Variants in BPIFB2 observed in about 807,000 individuals in gnomAD.
BPIFB2 encodes BPI fold-containing family B member 2.
A neutral mutation model predicts 50.1 loss-of-function variants in BPIFB2; 39 were observed. The ratio of observed to expected loss-of-function variants is 0.78; its 90% CI spans 0.60 to 1.02. BPIFB2 has a LOEUF of 1.02. Ranked by LOEUF, BPIFB2 falls within the 50% of genes least tolerant of loss-of-function variation. The pLI is 0.00. For synonymous variants in BPIFB2, 280 were observed against 256.3 expected, an observed-to-expected ratio of 1.09 and a Z score of -0.88; for missense variants, 574 against 585.8, an observed-to-expected ratio of 0.98 and a Z score of 0.21.
intron 3 of BPIFB2, among the ~76,000 whole-genome samples, chr20:33,011,878 C>T (rs1218364736): frequency 2.0e-5 from 3 of 152,054 alleles, no homozygotes; most frequent in African/African-American, 7.2e-5. Flanking sequence ...ACTCAGGAGG[C>T]TGAGGTGGGA....
Position 33,008,606 on chromosome 20 carries a change from T to TGGCACTGCTGCTGCC in BPIFB2, c.33_47dup (p.Ala12_Pro16dup), listed in dbSNP as rs1202041398. 2 of 1,604,256 alleles carry TGGCACTGCTGCTGCC rather than the reference T, an allele frequency of 1.2e-6. No individual in the cohort carries two copies. Among genetic ancestry groups the TGGCACTGCTGCTGCC allele is most frequent in the South Asian group, 2.2e-5 (2 of 89,060 alleles). On this transcript the variant is annotated inframe_insertion, in exon 2 of 16. Transcript: ENST00000170150. Reference sequence around the variant, plus strand: ...TGGGCAAGTAGGCTGGGCCTGCTGCTGGCACTGCTGCTGCCCGTGGTCGGT... The same window carrying TGGCACTGCTGCTGCC: ...TGGGCAAGTAGGCTGGGCCTGCTGCTGGCACTGCTGCTGCCGGCACTGCTGCTGCCCGTGGTCGGT...
chr20:33,020,632 G>A, intron 13 of BPIFB2, 45 bp downstream of exon 13: 2 of 1,541,864 alleles, frequency 1.3e-6, no homozygotes, highest in Non-Finnish European at 1.8e-6. Context: ...TCCTGGGTAG[G>A]GCACACCTTG....
At chr20:33,017,842 G>A (rs1159706424) in intron 7 of BPIFB2, among the ~76,000 whole-genome samples, 1 of 152,214 alleles carries the variant, frequency 6.6e-6, no homozygotes, top group Non-Finnish European at 1.5e-5. Context: ...GGATTGTAAC[G>A]AGGATTGAAT....
At position 33,008,155 on chromosome 20, in the gene BPIFB2, A is replaced by G. The variant is rs147199361; in HGVS notation, c.-34-386A>G. 4.2e-3 allele frequency among the ~76,000 whole-genome samples: 640 copies of G among 152,040 alleles called. 2 individuals are homozygous for G. The highest frequency in any genetic ancestry group is 0.014 in the African/African-American group (593 of 41,460). ...CAAGCTGGCTGTCACACGGGGCTGG[A>G]CTCCGGCATCAGGTGATACAGTCCT... On this transcript the variant is annotated intron_variant, in intron 1 of 15. Transcript: ENST00000170150.
Position 33,008,614 on chromosome 20 carries a change from C to T in BPIFB2, c.40C>T (p.Leu14=). ...TAGGCTGGGCCTGCTGCTGGCACTG[C>T]TGCTGCCCGTGGTCGGTGCCTCCAC... ...ASRLGLLLAL[L]LPVVGASTPG... is the part of the protein sequence containing the mutation. The change falls in exon 2 of 16, where the codon CTG becomes TTG. Residue 14 remains leucine, a synonymous_variant. Transcript: ENST00000170150. 1 of 1,605,516 alleles carries T rather than the reference C, an allele frequency of 6.2e-7. No homozygotes were observed. The highest frequency in any genetic ancestry group is 8.5e-7 in the Non-Finnish European group (1 of 1,176,244).
chr20:33,016,190 C>T (rs1978422201), intron 6 of BPIFB2, among the ~76,000 whole-genome samples: 1 of 152,096 alleles, frequency 6.6e-6, no homozygotes, highest in Non-Finnish European at 1.5e-5. Flanking sequence ...AAGTCAACCT[C>T]CTGCATGCCA....
chr20:33,010,326 T>C (rs1990268702), intron 2 of BPIFB2, among the ~76,000 whole-genome samples: 1 of 152,132 alleles, frequency 6.6e-6, no homozygotes, highest in African/African-American at 2.4e-5. Flanking sequence ...AGTAAAGCAC[T>C]CAGAACAGGG....
intron 9 of BPIFB2, 55 bp from the exon 10 acceptor site, chr20:33,019,007 T>C: frequency 6.2e-7 from 1 of 1,610,236 alleles, no homozygotes; most frequent in Non-Finnish European, 8.5e-7. Flanking sequence ...AGTGGTGATC[T>C]GTCTTGGGGA....
intron 3 of BPIFB2, 137 bp downstream of exon 3, chr20:33,011,254 T>C: frequency 1.3e-6 from 1 of 753,142 alleles, no homozygotes; most frequent in Non-Finnish European, 2.2e-6. Flanking sequence ...GGCAAAGTGT[T>C]CCAGTCCACC....
intron 15 of BPIFB2, 29 bp downstream of exon 15, chr20:33,021,828 G>A (rs746373556): frequency 6.3e-7 from 1 of 1,597,866 alleles, no homozygotes; most frequent in Admixed American, 1.7e-5. Context: ...GACCAGAGGG[G>A]CCTCCTTCAC....
chr20:33,018,996 A>T, intron 9 of BPIFB2, 66 bp from the exon 10 acceptor site: 1 of 1,606,446 alleles, frequency 6.2e-7, no homozygotes, highest in Non-Finnish European at 8.5e-7. Flanking sequence ...CTCAGGGGGA[A>T]AGTGGTGATC....
In BPIFB2 at chr20:33,012,876, G is replaced by A; in HGVS notation, c.277G>A (p.Ala93Thr). ...TGCTGGTTTCGGAGTGCGCCTGCTG[G>A]CAGCAGCTAATTTTACTTTCAAGGT... ...FIAGFGVRLL[A>T]AANFTFKVFR... is the part of the protein sequence containing the mutation. Residue 93 changes from alanine to threonine, a missense_variant, in exon 4 of 16, where the codon GCA (alanine) becomes ACA (threonine). Coordinates refer to ENST00000170150, the MANE Select transcript of BPIFB2 (RefSeq NM_025227.3). 1 of 1,613,894 alleles carries A rather than the reference G, an allele frequency of 6.2e-7. No individual in the cohort carries two copies. The highest frequency in any genetic ancestry group is 1.1e-5 in the South Asian group (1 of 91,062).
chr20:33,018,615 C>G, intron 8 of BPIFB2, 22 bp from the exon 9 acceptor site: 1 of 1,582,444 alleles, frequency 6.3e-7, no homozygotes, highest in Non-Finnish European at 8.6e-7. Context: ...TTTTCTCCCA[C>G]TTCCCCCTCC....
intron 1 of BPIFB2, among the ~76,000 whole-genome samples, 172 bp downstream of exon 1, chr20:33,007,932 C>T (rs1378031271): frequency 6.6e-6 from 1 of 152,220 alleles, no homozygotes; most frequent in Admixed American, 6.5e-5. Context: ...CCCACCTGAG[C>T]CGCAGTCCCT....
rs765911795 is a variant in BPIFB2 at position 33,020,594 on chromosome 20, G to A, written c.1194+7G>A. On this transcript the variant is annotated splice_region_variant and intron_variant, in intron 13 of 15. Transcript: ENST00000170150. ...CAACGTGGGCTTCATTGATGTGAGT[G>A]TGGGGCTGGGGCCTCTAGAAACCCC... 7 of 1,605,216 alleles carry A rather than the reference G, an allele frequency of 4.4e-6. No individual in the cohort carries two copies. The highest frequency in any genetic ancestry group is 4.5e-5 in the East Asian group (2 of 44,724).
intron 4 of BPIFB2, among the ~76,000 whole-genome samples, chr20:33,013,163 T>C (rs1990312564): frequency 6.6e-6 from 1 of 152,142 alleles, no homozygotes; most frequent in Non-Finnish European, 1.5e-5. Context: ...ATCTGTAAAA[T>C]GGGATGAACT....
intron 6 of BPIFB2, among the ~76,000 whole-genome samples, chr20:33,016,295 G>T (rs1222681158): frequency 6.6e-6 from 1 of 152,152 alleles, no homozygotes; most frequent in Non-Finnish European, 1.5e-5. Flanking sequence ...CCTCTTGAGA[G>T]TCCTGCGGGA....
chr20:33,011,709 T>G (rs984930450), intron 3 of BPIFB2, among the ~76,000 whole-genome samples: 2 of 152,206 alleles, frequency 1.3e-5, no homozygotes, highest in Non-Finnish European at 2.9e-5. Context: ...CCAGGCGCAG[T>G]GGTCCACGCC....
chr20:33,019,844 A>G, intron 11 of BPIFB2, 94 bp downstream of exon 11: 4 of 1,377,124 alleles, frequency 2.9e-6, no homozygotes, highest in Non-Finnish European at 3.9e-6. Context: ...TACTCACACT[A>G]TTGTCTTCGC....
Sources: gnomAD v4.1 joint callset for allele counts (sites outside exome capture counted in the v4.1 genomes callset) on GRCh38, gnomAD v4.1.1 for gene constraint, MANE v1.5 for transcripts, NCBI Gene and HGNC (gene_info 2026-07-23, HGNC 2026-07-21) for gene names.